Variants in ZNF439 observed in about 807,000 individuals in gnomAD.
The protein encoded by ZNF439 is zinc finger protein 439.
In ZNF439, 40 loss-of-function variants were observed where a neutral mutation model predicts 47.3. The ratio of observed to expected loss-of-function variants is 0.85; its 90% CI spans 0.66 to 1.10. The LOEUF (loss-of-function observed/expected upper bound fraction) is 1.10. Ranked by LOEUF, ZNF439 falls within the 50% of genes least tolerant of loss-of-function variation. ZNF439 has a pLI of 0.00. For missense variants in ZNF439, 556 were observed against 601.1 expected (o/e 0.93, Z 0.78); for synonymous variants, 171 against 198.8 (o/e 0.86, Z 1.18).
chr19:11,857,385 A>T (rs566149393), intron 1 of ZNF439: 10 of 152,310 alleles, frequency 6.6e-5, no homozygotes, highest in Admixed American at 2.6e-4. Context: ...ATTTATGCCT[A>T]CCTATAGTCA....
chr19:11,867,711 T>C lies in ZNF439; in HGVS notation c.657T>C (p.Tyr219=), dbSNP rs1335663338. Reference sequence around the variant, plus strand: ...TAGTGCACAGTGGGGATGGACCTTATAAATGTAAGTTTTGTGGGAAAGCAT... The same window carrying C: ...TAGTGCACAGTGGGGATGGACCTTACAAATGTAAGTTTTGTGGGAAAGCAT... The part of the protein sequence containing the change: ...HMVVHSGDGP[Y]KCKFCGKAFH... The change falls in exon 4 of 4, where the codon TAT becomes TAC. Residue 219 remains tyrosine, a synonymous_variant. Transcript: ENST00000682736. 3.7e-6 allele frequency: 6 copies of C among 1,614,090 alleles called. No individual in the cohort carries two copies. The highest frequency in any genetic ancestry group is 4.2e-6 in the Non-Finnish European group (5 of 1,180,032).
At chr19:11,861,536 T>C (rs1976541104) in intron 1 of ZNF439, among the ~76,000 whole-genome samples, 1 of 152,142 alleles carries the variant, frequency 6.6e-6, no homozygotes, top group Admixed American at 6.6e-5. Flanking sequence ...ATTCTCTGAG[T>C]TCTCAGCTTC....
chr19:11,861,050 A>G (rs1163570229), intron 1 of ZNF439, among the ~76,000 whole-genome samples: 1 of 152,118 alleles, frequency 6.6e-6, no homozygotes, highest in African/African-American at 2.4e-5. Flanking sequence ...AAATTTGTTC[A>G]TACTCTCCAG....
At chr19:11,866,812 T>C (rs1324275769) in intron 3 of ZNF439, among the ~76,000 whole-genome samples, 1 of 152,170 alleles carries the variant, frequency 6.6e-6, no homozygotes, top group Non-Finnish European at 1.5e-5. Context: ...GAGGATAGCT[T>C]GAGGCCAGCA....
In ZNF439 at chr19:11,867,715, TG is replaced by T. The variant is rs768138598; in HGVS notation, c.662del (p.Cys221LeufsTer130). The T allele has an allele frequency of 2.6e-5, 42 of 1,614,090 alleles. 1 individual carries two copies. The South Asian group carries it at 4.5e-4, about 17-fold the overall frequency. On this transcript the variant is annotated frameshift_variant, in exon 4 of 4. Coordinates refer to ENST00000682736, the MANE Select transcript of ZNF439 (RefSeq NM_001348719.2). LOFTEE classifies it high-confidence loss of function. ...GCACAGTGGGGATGGACCTTATAAA[TG>T]TAAGTTTTGTGGGAAAGCATTCCAT... The part of the protein sequence containing the change: ...VVHSGDGPYK[C>X]KFCGKAFHCL...
At chr19:11,855,972 G>A (rs969440020) in intron 1 of ZNF439, 9 of 152,206 alleles carry the variant, frequency 5.9e-5, no homozygotes, top group African/African-American at 4.8e-5. Context: ...CCAGTTTCCC[G>A]TTCCATGGTG....
At chr19:11,863,196 C>T (rs1240759703) in intron 1 of ZNF439, among the ~76,000 whole-genome samples, 1 of 132,126 alleles carries the variant, frequency 7.6e-6, no homozygotes. Flanking sequence ...GGCTCTCTGG[C>T]CCAGGCTGGA....
intron 1 of ZNF439, chr19:11,858,440 TG>T (rs1164615228): frequency 7.1e-6 from 1 of 140,678 alleles, no homozygotes; most frequent in Non-Finnish European, 1.5e-5. Flanking sequence ...CACTCCAGCC[TG>T]GGCGACAGAG....
At chr19:11,858,614 T>C (rs201934269) in intron 1 of ZNF439, among the ~76,000 whole-genome samples, 1 of 152,194 alleles carries the variant, frequency 6.6e-6, no homozygotes, top group Non-Finnish European at 1.5e-5. Context: ...GCCATCTTCC[T>C]GACTTCTTTG....
chr19:11,865,732 A>C (rs1352133286), intron 1 of ZNF439, among the ~76,000 whole-genome samples: 1 of 127,958 alleles, frequency 7.8e-6, no homozygotes, highest in Non-Finnish European at 1.8e-5. Context: ...AAAAAAAAAA[A>C]AAAAAAAATT....
At chr19:11,861,730 A>G (rs1222896339) in intron 1 of ZNF439, among the ~76,000 whole-genome samples, 2 of 152,234 alleles carry the variant, frequency 1.3e-5, no homozygotes, top group African/African-American at 4.8e-5. Flanking sequence ...TGCAAAAGCA[A>G]AATATACCTG....
At position 11,868,234 on chromosome 19, in the gene ZNF439, A is replaced by G; in HGVS notation, c.1180A>G (p.Lys394Glu). The G allele has an allele frequency of 6.2e-7, 1 of 1,614,154 alleles. No individual in the cohort carries two copies. Among genetic ancestry groups the G allele is most frequent in the Non-Finnish European group, 8.5e-7 (1 of 1,180,022 alleles). The change falls in exon 4 of 4, where the codon AAA becomes GAA. Residue 394 changes from lysine (K) to glutamate (E), a missense_variant. Lys to Glu is a moderately conservative substitution (Grantham distance 56). Transcript: ENST00000682736. ...ACCGTATAAATGCAAGCAATGTGGT[A>G]AAGCCTTCACTCGTTCCGGTTCCTT... ...EKPYKCKQCG[K>E]AFTRSGSFRY...
At chr19:11,854,323 C>G (rs979089521) in intron 1 of ZNF439, among the ~76,000 whole-genome samples, 1 of 152,210 alleles carries the variant, frequency 6.6e-6, no homozygotes, top group East Asian at 1.9e-4. Context: ...ATTATCATGC[C>G]TAAGGCTCTA....
At chr19:11,864,741 A>G (rs912440486) in intron 1 of ZNF439, among the ~76,000 whole-genome samples, 14 of 152,178 alleles carry the variant, frequency 9.2e-5, no homozygotes, top group African/African-American at 3.1e-4. Flanking sequence ...GCCTTTTGCA[A>G]TTATCCTGAT....
intron 1 of ZNF439, chr19:11,850,421 T>C (rs145989813): frequency 9.2e-5 from 14 of 152,302 alleles, no homozygotes; most frequent in African/African-American, 3.4e-4. Context: ...GCTAGGCTTT[T>C]ATAAGGTACA....
At chr19:11,854,697 G>T (rs896658414) in intron 1 of ZNF439, among the ~76,000 whole-genome samples, 2 of 152,140 alleles carry the variant, frequency 1.3e-5, no homozygotes, top group Non-Finnish European at 2.9e-5. Context: ...GGCAGAGGTT[G>T]CAGTGAGCCG....
chr19:11,865,734 A>C (rs1289148838), intron 1 of ZNF439, among the ~76,000 whole-genome samples: 2 of 130,554 alleles, frequency 1.5e-5, no homozygotes, highest in African/African-American at 2.5e-5. Flanking sequence ...AAAAAAAAAA[A>C]AAAAAATTGC....
chr19:11,867,285 T>A, intron 3 of ZNF439, 21 bp from the exon 4 acceptor site: 1 of 1,595,550 alleles, frequency 6.3e-7, no homozygotes, highest in Non-Finnish European at 8.5e-7. Flanking sequence ...CTCTTCATAA[T>A]TTGTTTCTCA....
intron 1 of ZNF439, among the ~76,000 whole-genome samples, chr19:11,865,403 T>C (rs1207989603): frequency 6.6e-6 from 1 of 150,570 alleles, no homozygotes; most frequent in Non-Finnish European, 1.5e-5. Flanking sequence ...GATGTTTCTT[T>C]CTACTTAGGT....
Sources: gnomAD v4.1 joint callset for allele counts (sites outside exome capture counted in the v4.1 genomes callset) on GRCh38, gnomAD v4.1.1 for gene constraint, MANE v1.5 for transcripts, NCBI Gene and HGNC (gene_info 2026-07-23, HGNC 2026-07-21) for gene names.